SAMD3: variants seen among roughly 807,000 people sequenced by gnomAD.
SAMD3 encodes sterile alpha motif domain containing 3.
In SAMD3, 63 loss-of-function variants were observed where a neutral mutation model predicts 58.5. The ratio of observed to expected loss-of-function variants is 1.08; its 90% CI spans 0.88 to 1.33. The LOEUF is 1.33. Among genes scored for constraint, SAMD3 ranks in the 40% most tolerant of loss-of-function variants. The pLI, the probability that SAMD3 is intolerant of heterozygous loss-of-function variation, is 0.00. For synonymous variants in SAMD3, 220 were observed against 210.3 expected, an observed-to-expected ratio of 1.05 and a Z score of -0.40; for missense variants, 604 against 608.4, an observed-to-expected ratio of 0.99 and a Z score of 0.08.
At chr6:130,243,361 CACCTCT>C (rs998747679) in intron 2 of SAMD3, among the ~76,000 whole-genome samples, 13 of 152,140 alleles carry the variant, frequency 8.5e-5, no homozygotes, top group South Asian at 2.1e-4. Context: ...AAGCAGAAGA[CACCTCT>C]ACCTCTACCT....
Position 130,252,731 on chromosome 6 carries a change from A to C in SAMD3, c.-187-29918T>G, listed in dbSNP as rs1377514766. Among the ~76,000 whole-genome samples, 4 of 152,194 alleles carry C rather than the reference A, an allele frequency of 2.6e-5. No individual in the cohort carries two copies. In the South Asian group the frequency reaches 8.3e-4, roughly 32 times the overall value. ...GGGTTGGAATTCCTTTGTGGCAACCAAAACAGCTGTCCACTGGTAGGCTTA... is the reference window on the plus strand; with the variant it reads ...GGGTTGGAATTCCTTTGTGGCAACCCAAACAGCTGTCCACTGGTAGGCTTA... On this transcript the variant is annotated intron_variant, in intron 2 of 13. Transcript: ENST00000368134.
chr6:130,214,999 T>A (rs1401550929), intron 3 of SAMD3, among the ~76,000 whole-genome samples, 196 bp downstream of exon 3: 3 of 152,198 alleles, frequency 2.0e-5, no homozygotes, highest in African/African-American at 7.2e-5. Context: ...AATATTATAT[T>A]CTCTTGTGGA....
rs140279742 is a variant in SAMD3, at chr6:130,281,318, T to C, written c.-188+31660A>G. On this transcript the variant is annotated intron_variant, in intron 2 of 13. Transcript: ENST00000368134. ...AAATGAAAAGTCTCTTGCTTACTGA[T>C]TTTATAGTATAAAGTTATTATTTCC... 4.9e-3 allele frequency among the ~76,000 whole-genome samples: 740 copies of C among 152,322 alleles called. 10 individuals carry two copies. Among genetic ancestry groups the C allele is most frequent in the African/African-American group, 0.015 (622 of 41,568 alleles).
chr6:130,143,158 G>T (rs530148313), downstream of SAMD3: 1 of 152,318 alleles, frequency 6.6e-6, no homozygotes, highest in East Asian at 1.9e-4. Flanking sequence ...TGTCATTTCA[G>T]TGATAGAATA....
At chr6:130,193,317 T>C (rs572118212) in intron 5 of SAMD3, among the ~76,000 whole-genome samples, 1 of 152,044 alleles carries the variant, frequency 6.6e-6, no homozygotes, top group African/African-American at 2.4e-5. Flanking sequence ...GAGGGGCAAG[T>C]ACCCCAACCT....
chr6:130,219,062 G>T (rs1192175972), intron 1 of SAMD3, among the ~76,000 whole-genome samples: 2 of 152,198 alleles, frequency 1.3e-5, no homozygotes, highest in African/African-American at 4.8e-5. Context: ...GAAGCAAATT[G>T]TGTATGAGAT....
intron 1 of SAMD3, among the ~76,000 whole-genome samples, chr6:130,356,617 G>C (rs933604552): frequency 1.3e-5 from 2 of 152,198 alleles, no homozygotes; most frequent in East Asian, 3.8e-4. Flanking sequence ...CATGAAAAGT[G>C]TATTGAATAA....
intron 1 of SAMD3, among the ~76,000 whole-genome samples, chr6:130,333,915 G>A (rs1777021085): frequency 6.6e-6 from 1 of 152,206 alleles, no homozygotes; most frequent in South Asian, 2.1e-4. Context: ...TCTGGACTCA[G>A]AGGATAGCCA....
At chr6:130,213,042 G>C (rs933547215) in intron 4 of SAMD3, among the ~76,000 whole-genome samples, 2 of 152,312 alleles carry the variant, frequency 1.3e-5, no homozygotes, top group South Asian at 4.1e-4. Flanking sequence ...CAGCGCTTTA[G>C]GAGGCTGAGG....
chr6:130,334,739 C>G (rs893767473), intron 1 of SAMD3, among the ~76,000 whole-genome samples: 10 of 152,162 alleles, frequency 6.6e-5, no homozygotes, highest in Admixed American at 1.3e-4. Flanking sequence ...GGTTTCTTCC[C>G]CCTTACTCAA....
intron 2 of SAMD3, among the ~76,000 whole-genome samples, chr6:130,278,219 C>T (rs905856298): frequency 3.3e-5 from 5 of 152,156 alleles, no homozygotes; most frequent in Admixed American, 2.0e-4. Context: ...TAGACAGCTT[C>T]GACTCCCTAT....
intron 7 of SAMD3, among the ~76,000 whole-genome samples, chr6:130,179,810 CTTTTTT>C (rs71028199): frequency 1.7e-5 from 2 of 116,246 alleles, no homozygotes; most frequent in Non-Finnish European, 3.3e-5. Flanking sequence ...TGTCCTTATT[CTTTTTT>C]TTTTTTTTTT....
chr6:130,282,530 C>T (rs891004033), intron 2 of SAMD3, among the ~76,000 whole-genome samples: 56 of 151,986 alleles, frequency 3.7e-4, no homozygotes, highest in African/African-American at 1.3e-3. Context: ...CTCATGGGAA[C>T]AGAAACTGAA....
At chr6:130,184,070 A>C (rs1368965707) in intron 7 of SAMD3, 33 bp downstream of exon 7, 2 of 1,555,586 alleles carry the variant, frequency 1.3e-6, no homozygotes, top group Non-Finnish European at 1.8e-6. Flanking sequence ...AGATAGTCTG[A>C]AATTAACAGG....
chr6:130,205,244 GT>G (rs1219718685), intron 5 of SAMD3, among the ~76,000 whole-genome samples: 3 of 150,998 alleles, frequency 2.0e-5, no homozygotes, highest in African/African-American at 7.3e-5. Flanking sequence ...TCCTATGAAA[GT>G]GTATTCAGTC....
At chr6:130,152,798 C>A (rs1025664302) in intron 9 of SAMD3, among the ~76,000 whole-genome samples, 1 of 152,108 alleles carries the variant, frequency 6.6e-6, no homozygotes, top group Admixed American at 6.5e-5. Flanking sequence ...AGGAATGGTG[C>A]GGAAGATACA....
chr6:130,280,920 G>A (rs1005321415), intron 2 of SAMD3, among the ~76,000 whole-genome samples: 2 of 152,148 alleles, frequency 1.3e-5, no homozygotes, highest in African/African-American at 2.4e-5. Flanking sequence ...ACCCTCAGGG[G>A]ATACATTCCA....
In SAMD3 at chr6:130,146,166, G is replaced by T; in HGVS notation, c.1039C>A (p.Gln347Lys). ...TAAATATCTGTTCTTGTAAGAAGTT[G>T]GAATTCTCTGAACATCTGACAAAAG... is the stretch of plus-strand genomic sequence containing the variant. ...KCPYQMFREF[Q>K]LLTRTDIYKK... Residue 347 changes from glutamine (Q) to lysine (K), a missense_variant, in exon 10 of 12, where the codon CAA becomes AAA. By Grantham distance (53) the Gln-to-Lys change is moderately conservative. Coordinates refer to ENST00000439090, the MANE Select transcript of SAMD3 (RefSeq NM_001017373.4). 6.3e-7 allele frequency: 1 copy of T among 1,578,038 alleles called. No individual in the cohort carries two copies. The highest frequency in any genetic ancestry group is 8.6e-7 in the Non-Finnish European group (1 of 1,163,846).
intron 8 of SAMD3, among the ~76,000 whole-genome samples, chr6:130,173,452 T>C (rs1382652389): frequency 6.6e-6 from 1 of 152,226 alleles, no homozygotes. Flanking sequence ...GCAGGTCTGC[T>C]ACAGTTTGCT....
Sources: gnomAD v4.1 joint callset for allele counts (sites outside exome capture counted in the v4.1 genomes callset) on GRCh38, gnomAD v4.1.1 for gene constraint, MANE v1.5 for transcripts, NCBI Gene and HGNC (gene_info 2026-07-23, HGNC 2026-07-21) for gene names.